The following UNC79 variants were observed in gnomAD, a reference collection of about 807,000 sequenced individuals.
UNC79 encodes unc-79 subunit of NALCN channel complex, also known as protein unc-79 homolog.
In UNC79, 37 loss-of-function variants were observed where a neutral mutation model predicts 283.1. The observed-to-expected ratio is 0.13, with a 90% CI of 0.10 to 0.17. UNC79 has a LOEUF of 0.17. Ranked by LOEUF, UNC79 falls within the 10% of genes least tolerant of loss-of-function variation. The probability of loss-of-function intolerance (pLI) is 1.00; values close to 1 mark genes in which losing one functional copy is unlikely to be tolerated. For synonymous variants in UNC79, 1,107 were observed against 1,200.2 expected, an observed-to-expected ratio of 0.92 and a Z score of 1.61; for missense variants, 2,272 against 3,211.1, an observed-to-expected ratio of 0.71 and a Z score of 7.07.
intron 40 of UNC79, among the ~76,000 whole-genome samples, chr14:93,667,252 AGAAG>A (rs1230810373): frequency 6.8e-6 from 1 of 147,364 alleles, no homozygotes; most frequent in African/African-American, 2.7e-5. Flanking sequence ...AAGGAAGGAA[AGAAG>A]GAAGGAAAAC....
intron 11 of UNC79, among the ~76,000 whole-genome samples, chr14:93,537,580 C>A (rs761996478): frequency 8.4e-4 from 128 of 152,202 alleles, no homozygotes; most frequent in Non-Finnish European, 1.5e-3. Context: ...AACATCATTT[C>A]TTTTCTTCCC....
chr14:93,496,446 T>C lies in UNC79; in HGVS notation c.748T>C (p.Tyr250His), dbSNP rs748838054. ...TCAATTACTGGAATGCCTCATGAAA[T>C]ATAAACAAGAAGTCTGGAAAGTAAG... Residue 250 changes from tyrosine to histidine, a missense_variant, in exon 6 of 49, where the codon TAT becomes CAT. Around this residue, in one of 11 missense-constraint regions of UNC79, gnomAD observed 93 missense variants for 237.8 expected, o/e 0.39. Coordinates refer to ENST00000555664, the Ensembl canonical transcript of UNC79. 4.5e-6 allele frequency: 7 copies of C among 1,547,958 alleles called. No individual in the cohort carries two copies. In the African/African-American group the frequency reaches 7.0e-5, roughly 16 times the overall value.
chr14:93,659,306 T>G, intron 39 of UNC79, 45 bp downstream of exon 42: 1 of 1,503,964 alleles, frequency 6.6e-7, no homozygotes, highest in Non-Finnish European at 9.1e-7. Flanking sequence ...TAGTCAGTTT[T>G]TTTTAACCTA....
At chr14:93,510,680 T>A (rs1460389172) in intron 7 of UNC79, among the ~76,000 whole-genome samples, 2 of 152,188 alleles carry the variant, frequency 1.3e-5, no homozygotes, top group Admixed American at 1.3e-4. Context: ...GTTCCTCATC[T>A]CCATCGGAGA....
rs549357481 is a variant in UNC79, at chr14:93,459,917, G to A, written c.23-7754G>A. On this transcript the variant is annotated intron_variant, in intron 1 of 48. Coordinates refer to ENST00000555664, the Ensembl canonical transcript of UNC79. Reference sequence around the variant, plus strand: ...AATCTCCTAACCTTGTGATCCGCCCGCCTTGGCCTCCCAAAGTGCTGGGAT... The same window carrying A: ...AATCTCCTAACCTTGTGATCCGCCCACCTTGGCCTCCCAAAGTGCTGGGAT... Among the ~76,000 whole-genome samples, 22 of 80,728 alleles carry A rather than the reference G, an allele frequency of 2.7e-4. No homozygotes were observed. The East Asian group carries it at 7.7e-3, about 28-fold the overall frequency. 53.0% of individuals were successfully genotyped at this position (80,728 alleles called of 152,430 possible). A position where few individuals can be genotyped will look rare whatever the true frequency, so the allele number is the denominator to read the frequency against.
At chr14:93,620,382 G>A (rs1179200321) in intron 29 of UNC79, among the ~76,000 whole-genome samples, 6 of 152,114 alleles carry the variant, frequency 3.9e-5, no homozygotes, top group Non-Finnish European at 8.8e-5. Context: ...CATTCACACC[G>A]TATAAGGTGC....
rs1356556742 is a variant in UNC79, at chr14:93,474,753, T to C, written c.448+360T>C. On this transcript the variant is annotated intron_variant, in intron 3 of 48. Transcript: ENST00000555664. The surrounding 1 kb of genome is among the most constrained non-coding windows in gnomAD (Gnocchi z 4.1). ...AACTGTCACCCAGAAAATTAAGAAG[T>C]AGAGCATGAAGAGCAGGCTATAATC... Among the ~76,000 whole-genome samples, 3 of 152,156 alleles carry C rather than the reference T, an allele frequency of 2.0e-5. No individual in the cohort carries two copies.
At chr14:93,464,711 G>A (rs2057093948) in intron 1 of UNC79, 4 of 412,208 alleles carry the variant, frequency 9.7e-6, no homozygotes, top group Non-Finnish European at 1.9e-5. Flanking sequence ...AGGGTCAGTT[G>A]AGGTTGAAGA....
intron 47 of UNC79, among the ~76,000 whole-genome samples, chr14:93,695,828 T>TTGCAGTGA (rs901484815): frequency 7.1e-6 from 1 of 141,604 alleles, no homozygotes; most frequent in Non-Finnish European, 1.5e-5. Context: ...AAGGTGGAGG[T>TTGCAGTGA]TGCAGTGAGC....
chr14:93,591,486 T>G (rs768756908), intron 22 of UNC79, among the ~76,000 whole-genome samples: 2 of 152,246 alleles, frequency 1.3e-5, no homozygotes, highest in Admixed American at 1.3e-4. Context: ...TATTGTATTC[T>G]TACAATAAAG....
chr14:93,593,755 A>G, exon 23 of UNC79: 1 of 1,614,056 alleles, frequency 6.2e-7, no homozygotes, highest in Non-Finnish European at 8.5e-7. Flanking sequence ...ATGCCCTGTC[A>G]CTTCCTCATG....
chr14:93,631,990 A>G (rs1448787415), intron 31 of UNC79, among the ~76,000 whole-genome samples: 1 of 152,208 alleles, frequency 6.6e-6, no homozygotes, highest in Non-Finnish European at 1.5e-5. Context: ...ATCTGATCCA[A>G]TTGTTACATC....
At chr14:93,491,778 T>C (rs2058737763) in intron 5 of UNC79, among the ~76,000 whole-genome samples, 1 of 152,222 alleles carries the variant, frequency 6.6e-6, no homozygotes, top group African/African-American at 2.4e-5. Flanking sequence ...ACTGGAAAAC[T>C]ACTGTGGTCA....
intron 1 of UNC79, among the ~76,000 whole-genome samples, chr14:93,459,544 AAATAATT>A (rs2056888057): frequency 6.6e-6 from 1 of 152,178 alleles, no homozygotes; most frequent in Non-Finnish European, 1.5e-5. Flanking sequence ...AAACCAGTAA[AAATAATT>A]AAAGAACAAT....
In UNC79 at chr14:93,640,887, T is replaced by C. The variant is rs111876545; in HGVS notation, c.5801-258T>C. Among the ~76,000 whole-genome samples, 1,475 of 152,306 alleles carry C rather than the reference T, an allele frequency of 9.7e-3. 26 individuals carry two copies. Among genetic ancestry groups the C allele is most frequent in the African/African-American group, 0.033 (1,384 of 41,568 alleles). On this transcript the variant is annotated intron_variant, in intron 32 of 48. Coordinates refer to ENST00000555664, the Ensembl canonical transcript of UNC79. ...TGTCTTTGGACCCTGCTGGCACACC[T>C]GAGCTCTTTCTGATTTCTTTCAAAG...
At chr14:93,492,683 G>C (rs905993705) in intron 5 of UNC79, among the ~76,000 whole-genome samples, 5 of 152,130 alleles carry the variant, frequency 3.3e-5, no homozygotes, top group Non-Finnish European at 7.3e-5. Context: ...AAGGTAAATG[G>C]GGCATTCTGG....
chr14:93,599,382 G>GTGTA lies in UNC79; in HGVS notation c.3373-1183_3373-1180dup, dbSNP rs1555368844. Among the ~76,000 whole-genome samples, 4 of 151,132 alleles carry GTGTA rather than the reference G, an allele frequency of 2.6e-5. No homozygotes were observed. In the East Asian group the frequency reaches 7.7e-4, roughly 29 times the overall value. ...TGTGTGTGTGTGTGTGTGTGTGTGT[G>GTGTA]TGTATGTGTGCATACACTGTCTCCC... On this transcript the variant is annotated intron_variant, in intron 24 of 48. Transcript: ENST00000555664.
In UNC79 at chr14:93,585,883, C is replaced by CTT. The variant is rs1233052037; in HGVS notation, c.2804-698_2804-697dup. ...ACAAATTGAACACCTCTCTCTCTCT[C>CTT]TTTTTTTTTTTTTTTTGAGACTGAG... On this transcript the variant is annotated intron_variant, in intron 20 of 48. Transcript: ENST00000555664. 1.4e-3 allele frequency among the ~76,000 whole-genome samples: 192 copies of CTT among 138,196 alleles called. 3 individuals carry two copies. The highest frequency in any genetic ancestry group is 2.6e-3 in the African/African-American group (96 of 37,536). The allele number at this position is 138,196 out of a possible 152,430, so 90.7% of individuals were successfully genotyped here.
At chr14:93,705,365 A>T (rs1264166534) in intron 48 of UNC79, among the ~76,000 whole-genome samples, 3 of 151,310 alleles carry the variant, frequency 2.0e-5, no homozygotes, top group African/African-American at 4.8e-5. Context: ...AAAAAAAAAA[A>T]AAAAAAAGAG....
Sources: allele counts gnomAD v4.1 joint callset (sites outside exome capture counted in the v4.1 genomes callset), GRCh38; gene constraint gnomAD v4.1.1; regional missense constraint gnomAD v4.1.1; non-coding constraint Gnocchi (gnomAD v3.1); transcripts MANE v1.5; gene names NCBI Gene and HGNC (gene_info 2026-07-23, HGNC 2026-07-21).